The following LAMA5 variants were observed in gnomAD, a reference collection of about 807,000 sequenced individuals.
LAMA5 encodes laminin subunit alpha-5.
A neutral mutation model predicts 433.4 loss-of-function variants in LAMA5; 260 were observed. The observed-to-expected ratio is 0.60, with a 90% CI of 0.54 to 0.66. The LOEUF is 0.66. LAMA5 is among the 30% of genes least tolerant of loss of function. LAMA5 has a pLI of 0.00. For missense variants in LAMA5, 5,378 were observed against 5,258.5 expected (o/e 1.02, Z -0.70); for synonymous variants, 2,620 against 2,226.6 (o/e 1.18, Z -4.97).
rs1266582236 is a variant in LAMA5, at chr20:62,310,735, G to C, written c.10376C>G (p.Ala3459Gly). ...GAGGGTGTGGGGCTGGGGGTGCTCT[G>C]CCCCCTGGTGCTGCCGGTGCGGCCC... ...QEGPHRQHQG[A>G]EHPQPHTLFV... The change falls in exon 75 of 80, where the codon GCA becomes GGA. Residue 3459 changes from alanine (A) to glycine (G), a missense_variant. Physicochemically the swap from Ala to Gly is moderately conservative, Grantham distance 60 (BLOSUM62 0). Transcript: ENST00000252999. The C allele has an allele frequency of 1.3e-6, 2 of 1,583,690 alleles. No individual in the cohort carries two copies. Among genetic ancestry groups the C allele is most frequent in the Non-Finnish European group, 1.7e-6 (2 of 1,168,318 alleles).
intron 1 of LAMA5, among the ~76,000 whole-genome samples, chr20:62,363,373 G>A (rs1176136250): frequency 6.6e-6 from 1 of 152,154 alleles, no homozygotes; most frequent in African/African-American, 2.4e-5. Context: ...GCACCTGCCT[G>A]GGGCCACCGT....
rs746827962 is a variant in LAMA5 at position 62,328,883 on chromosome 20, G to A, written c.4408C>T (p.Arg1470Cys). ...AAGCCCCAGTATCCGGTGGCACAGC[G>A]GGAGCAGTCACGGCCAATGACATGG... Reference protein sequence around the residue: ...HAHVIGRDCSRCATGYWGFPN... With the variant: ...HAHVIGRDCSCCATGYWGFPN... The change falls in exon 34 of 80, where the codon CGC becomes TGC. Residue 1470 changes from arginine to cysteine, a missense_variant. Transcript: ENST00000252999. 27 of 1,611,716 alleles carry A rather than the reference G, an allele frequency of 1.7e-5. No individual in the cohort carries two copies. The highest frequency in any genetic ancestry group is 6.7e-5 in the African/African-American group (5 of 74,904).
intron 20 of LAMA5, 140 bp downstream of exon 20, chr20:62,334,881 A>AGGCT (rs1981281397): frequency 1.3e-6 from 1 of 794,186 alleles, no homozygotes. Flanking sequence ...ACCCTGGCAC[A>AGGCT]GGCTGGCACC....
At position 62,333,701 on chromosome 20, in the gene LAMA5, C is replaced by T. The variant is rs1208464749; in HGVS notation, c.2884G>A (p.Ala962Thr). ...GRSATCANCT[A>T]QSQPVAFPPS... ...GGGAAGGCCACGGGCTGACTCTGTG[C>T]TGTGCCTGGGCGGGGGCAGGGGTGA... The change falls in exon 24 of 80, where the codon GCA becomes ACA. Residue 962 changes from alanine (A) to threonine (T), a missense_variant. Ala to Thr is a moderately conservative substitution (Grantham distance 58). Coordinates refer to ENST00000252999, the MANE Select transcript of LAMA5 (RefSeq NM_005560.6). 9 of 1,588,742 alleles carry T rather than the reference C, an allele frequency of 5.7e-6. No homozygotes were observed. Among genetic ancestry groups the T allele is most frequent in the Non-Finnish European group, 7.7e-6 (9 of 1,169,248 alleles).
rs1491561608 is a variant in LAMA5 at position 62,313,021 on chromosome 20, A to AGGGCAGGGTTAGTGTG, written c.8956-27_8956-12dup. The AGGGCAGGGTTAGTGTG allele has an allele frequency of 3.8e-6, 6 of 1,585,040 alleles. No homozygotes were observed. The highest frequency in any genetic ancestry group is 4.5e-5 in the East Asian group (2 of 44,506). On this transcript the variant is annotated splice_polypyrimidine_tract_variant and intron_variant, in intron 65 of 79. Transcript: ENST00000252999. ...GCACAGGAACTGGCTCTGCAGAAACAGGGCAGGGTTAGTGTGGGGCAGGGT... is the reference window on the plus strand; with the variant it reads ...GCACAGGAACTGGCTCTGCAGAAACAGGGCAGGGTTAGTGTGGGGCAGGGTTAGTGTGGGGCAGGGT...
intron 47 of LAMA5, 38 bp from the exon 48 acceptor site, chr20:62,322,206 G>C (rs1300207081): frequency 4.5e-6 from 7 of 1,568,630 alleles, no homozygotes; most frequent in Middle Eastern, 1.7e-4. Flanking sequence ...GCTGGCCTGG[G>C]ACCTTGGAGC....
chr20:62,335,050 A>G lies in LAMA5; in HGVS notation c.2453T>C (p.Leu818Pro), dbSNP rs1568946433. Residue 818 changes from leucine (L) to proline (P), a missense_variant, in exon 20 of 80, where the codon CTG (leucine) becomes CCG (proline). Transcript: ENST00000252999. The stretch of plus-strand genomic sequence containing the variant: ...GCAGCCAAAATAGTCAGCCTGATCC[A>G]GTCCAAAGAAGCCATCCTTGCAGGA... ...CASCKDGFFG[L>P]DQADYFGCRS... 2 of 1,612,972 alleles carry G rather than the reference A, an allele frequency of 1.2e-6. No homozygotes were observed. Among genetic ancestry groups the G allele is most frequent in the Non-Finnish European group, 8.5e-7 (1 of 1,179,704 alleles).
In LAMA5 at chr20:62,318,481, G is replaced by A; in HGVS notation, c.7212C>T (p.Arg2404=). ...ATREAQELNS[R]NQERLEEALQ... The stretch of plus-strand genomic sequence containing the variant: ...GGGCTTCCTCCAGGCGCTCCTGGTT[G>A]CGGCTGTTGAGCTCCTGGGCCTCCC... The change falls in exon 53 of 80, where the codon CGC becomes CGT. Residue 2404 remains arginine (R), a synonymous_variant. Coordinates refer to ENST00000252999, the MANE Select transcript of LAMA5 (RefSeq NM_005560.6). The A allele has an allele frequency of 6.2e-7, 1 of 1,607,480 alleles. No homozygotes were observed. Among genetic ancestry groups the A allele is most frequent in the East Asian group, 2.2e-5 (1 of 44,770 alleles).
In LAMA5 at chr20:62,310,307, G is replaced by T; in HGVS notation, c.10605C>A (p.Leu3535=). 1 of 1,602,176 alleles carries T rather than the reference G, an allele frequency of 6.2e-7. No homozygotes were observed. The highest frequency in any genetic ancestry group is 8.5e-7 in the Non-Finnish European group (1 of 1,173,142). ...CCACATCAGGCAGTGTAGCTCCTGGGAGGTCTGCGGGGAGGGGTTGTGATG... is the reference window on the plus strand; with the variant it reads ...CCACATCAGGCAGTGTAGCTCCTGGTAGGTCTGCGGGGAGGGGTTGTGATG... ...PGSGGVITLD[L]PGATLPDVGL... The change falls in exon 77 of 80, where the codon CTC becomes CTA. Residue 3535 remains leucine, a synonymous_variant. Transcript: ENST00000252999.
At position 62,316,036 on chromosome 20, in the gene LAMA5, G is replaced by A. The variant is rs1431960371; in HGVS notation, c.7779C>T (p.Ala2593=). 6.2e-7 allele frequency: 1 copy of A among 1,608,962 alleles called. No homozygotes were observed. The highest frequency in any genetic ancestry group is 1.1e-5 in the South Asian group (1 of 90,496). The change falls in exon 58 of 80, where the codon GCC becomes GCT. Residue 2593 remains alanine (A), a synonymous_variant. Transcript: ENST00000252999. ...CCCGGACATCTCGGAGCTGGGTCCT[G>A]GCACCCTGGAGGGCAGCCCACACTG... is the stretch of plus-strand genomic sequence containing the variant. The part of the protein sequence containing the change: ...LGLVWAALQG[A]RTQLRDVRAK...
intron 40 of LAMA5, 97 bp from the exon 41 acceptor site, chr20:62,325,643 C>T: frequency 1.3e-6 from 1 of 768,484 alleles, no homozygotes; most frequent in South Asian, 1.9e-5. Flanking sequence ...GATGGAGGGG[C>T]ACAAAGACCA....
In LAMA5 at chr20:62,359,365, A is replaced by G. The variant is rs998439982; in HGVS notation, c.450+3035T>C. On this transcript the variant is annotated intron_variant, in intron 2 of 79. Transcript: ENST00000252999. This position sits in a 1 kb window ranked among gnomAD's most constrained non-coding sequence, Gnocchi z 4.3. The stretch of plus-strand genomic sequence containing the variant: ...GCCCGCTGGGCTAGCGTGCTGGTGT[A>G]GTGGGGCAAGGGCCTGGACCCTGCG... Among the ~76,000 whole-genome samples the G allele has an allele frequency of 1.3e-5, 2 of 152,070 alleles. No individual in the cohort carries two copies. The highest frequency in any genetic ancestry group is 2.9e-5 in the Non-Finnish European group (2 of 68,000).
In LAMA5 at chr20:62,317,122, CCCG is replaced by C. The variant is rs1318330026; in HGVS notation, c.7512-102_7512-100del. On this transcript the variant is annotated intron_variant, in intron 55 of 79. Transcript: ENST00000252999. ...TCACAACCAGCCGTGCCCGTGCCTG[CCCG>C]CCAAGTCCCGCCTCCAGGTCTTTGC... 9 of 1,317,288 alleles carry C rather than the reference CCCG, an allele frequency of 6.8e-6. No homozygotes were observed. The Admixed American group carries it at 1.2e-4, about 17-fold the overall frequency. 81.6% of individuals were successfully genotyped at this position (1,317,288 alleles called of 1,614,324 possible).
chr20:62,338,292 A>C lies in LAMA5; in HGVS notation c.1696T>G (p.Phe566Val), dbSNP rs1317548116. 1 of 1,603,864 alleles carries C rather than the reference A, an allele frequency of 6.2e-7. No homozygotes were observed. The highest frequency in any genetic ancestry group is 8.5e-7 in the Non-Finnish European group (1 of 1,175,570). ...CAGCGATCACATGTGGCCCCCTCGAAGCCCACTCGGCACCTGCACTGGCCT... is the reference window on the plus strand; with the variant it reads ...CAGCGATCACATGTGGCCCCCTCGACGCCCACTCGGCACCTGCACTGGCCT... ...DTGQCRCRVG[F>V]EGATCDRCAP... The change falls in exon 13 of 80, where the codon TTC becomes GTC. Residue 566 changes from phenylalanine (F) to valine (V), a missense_variant. Phe to Val is a conservative substitution (Grantham distance 50). Transcript: ENST00000252999.
In LAMA5 at chr20:62,346,074, T is replaced by C; in HGVS notation, c.1417+7A>G. On this transcript the variant is annotated splice_region_variant and intron_variant, in intron 10 of 79. Coordinates refer to ENST00000252999, the MANE Select transcript of LAMA5 (RefSeq NM_005560.6). The stretch of plus-strand genomic sequence containing the variant: ...TGTCTGTTTGGATGCCCCTGGCAGG[T>C]GCTCACGGTAGCAGCTTGGGAAGCC... 2 of 1,612,872 alleles carry C rather than the reference T, an allele frequency of 1.2e-6. No individual in the cohort carries two copies. Among genetic ancestry groups the C allele is most frequent in the Non-Finnish European group, 1.7e-6 (2 of 1,179,932 alleles).
At chr20:62,316,301 T>G (rs564615285) in intron 57 of LAMA5, 154 of 568,918 alleles carry the variant, frequency 2.7e-4, no homozygotes, top group African/African-American at 2.7e-3. Context: ...GATGAAACAA[T>G]AGAGGCTCAG....
In LAMA5 at chr20:62,330,580, A is replaced by C. The variant is rs1042493445; in HGVS notation, c.3887T>G (p.Leu1296Arg). The change falls in exon 31 of 80, where the codon CTG (leucine) becomes CGG (arginine). Residue 1296 changes from leucine (L) to arginine (R), a missense_variant. Coordinates refer to ENST00000252999, the MANE Select transcript of LAMA5 (RefSeq NM_005560.6). ...GTGCAGCAGGAAGGCATAGCGGCCC[A>C]GCGTGGGCACATGGGTGGTGAAGAC... ...TVVFTTHVPT[L>R]GRYAFLLHGY... 3.8e-6 allele frequency: 6 copies of C among 1,593,472 alleles called. No individual in the cohort carries two copies. The African/African-American group carries it at 4.0e-5, about 11-fold the overall frequency.
chr20:62,363,655 T>C (rs534062435), intron 1 of LAMA5, among the ~76,000 whole-genome samples: 2 of 152,020 alleles, frequency 1.3e-5, no homozygotes, highest in East Asian at 3.9e-4. Flanking sequence ...TTGGGGTTGA[T>C]TGAGGCCCCA....
intron 11 of LAMA5, among the ~76,000 whole-genome samples, chr20:62,345,049 G>A (rs1322498994): frequency 5.9e-5 from 9 of 152,142 alleles, no homozygotes; most frequent in African/African-American, 1.4e-4. Flanking sequence ...ATGGAGTTTC[G>A]CTCTGTTGCC....
Sources: gnomAD v4.1 joint callset for allele counts (sites outside exome capture counted in the v4.1 genomes callset) on GRCh38, gnomAD v4.1.1 for gene constraint, Gnocchi (gnomAD v3.1) non-coding constraint, MANE v1.5 for transcripts, NCBI Gene and HGNC (gene_info 2026-07-23, HGNC 2026-07-21) for gene names.